Variants in KIAA1328 observed in about 807,000 individuals in gnomAD.
KIAA1328 encodes protein hinderin.
Under a neutral mutation model 68.1 loss-of-function variants are expected in KIAA1328, and 52 were observed. The observed-to-expected ratio is 0.76, with a 90% confidence interval of 0.61 to 0.96. The LOEUF (loss-of-function observed/expected upper bound fraction) is 0.96, where lower values mean the gene tolerates loss of function less well. Ranked by LOEUF, KIAA1328 falls within the 40% of genes least tolerant of loss-of-function variation. The pLI is 0.00. For synonymous variants in KIAA1328, 232 were observed against 239.4 expected, an observed-to-expected ratio of 0.97 and a Z score of 0.28; for missense variants, 641 against 677.6, an observed-to-expected ratio of 0.95 and a Z score of 0.60.
chr18:37,142,337 G>A (rs564946142), intron 7 of KIAA1328, among the ~76,000 whole-genome samples: 4 of 151,686 alleles, frequency 2.6e-5, no homozygotes, highest in Admixed American at 2.0e-4. Context: ...GATTACAGGC[G>A]CACACCACCA....
intron 9 of KIAA1328, among the ~76,000 whole-genome samples, chr18:37,203,101 T>A (rs2060144918): frequency 6.6e-6 from 1 of 151,686 alleles, no homozygotes; most frequent in Non-Finnish European, 1.5e-5. Context: ...CAAAATCTTT[T>A]ATTATATCTT....
intron 6 of KIAA1328, among the ~76,000 whole-genome samples, chr18:37,037,018 CT>C (rs2055053726): frequency 6.6e-6 from 1 of 152,128 alleles, no homozygotes; most frequent in African/African-American, 2.4e-5. Context: ...CATCATCACT[CT>C]TAGCAGTAAA....
At chr18:36,830,035 C>T (rs929509278) in intron 1 of KIAA1328, among the ~76,000 whole-genome samples, 1 of 152,180 alleles carries the variant, frequency 6.6e-6, no homozygotes, top group African/African-American at 2.4e-5. Flanking sequence ...GAAAGAGGGA[C>T]GGCAATCTGT....
At chr18:36,847,112 T>G (rs1186728731) in intron 4 of KIAA1328, among the ~76,000 whole-genome samples, 4 of 151,554 alleles carry the variant, frequency 2.6e-5, no homozygotes, top group Non-Finnish European at 5.9e-5. Context: ...ACTCATTTTT[T>G]ATTGTTGAAT....
At chr18:37,066,189 G>A (rs2056331465) in intron 6 of KIAA1328, among the ~76,000 whole-genome samples, 2 of 152,208 alleles carry the variant, frequency 1.3e-5, no homozygotes, top group South Asian at 2.1e-4. Flanking sequence ...TAAAATGTTG[G>A]AAAATCTGAC....
intron 6 of KIAA1328, among the ~76,000 whole-genome samples, chr18:37,026,817 A>G (rs1239043985): frequency 6.6e-6 from 1 of 152,210 alleles, no homozygotes; most frequent in Non-Finnish European, 1.5e-5. Flanking sequence ...CTGGCACAAG[A>G]CAGGGATGCC....
chr18:37,016,200 T>A (rs981716970), intron 6 of KIAA1328, among the ~76,000 whole-genome samples: 1 of 152,180 alleles, frequency 6.6e-6, no homozygotes, highest in African/African-American at 2.4e-5. Flanking sequence ...TAGGGTTTTA[T>A]CATGGAGTGA....
At chr18:37,003,767 G>A (rs1357755841) in intron 6 of KIAA1328, among the ~76,000 whole-genome samples, 1 of 152,010 alleles carries the variant, frequency 6.6e-6, no homozygotes, top group East Asian at 1.9e-4. Context: ...TTTTGTATAC[G>A]GTGAGAAATG....
intron 5 of KIAA1328, among the ~76,000 whole-genome samples, chr18:36,896,775 A>T (rs527238008): frequency 4.5e-4 from 69 of 152,206 alleles, no homozygotes; most frequent in Admixed American, 1.6e-3. Flanking sequence ...ATTATTTAGG[A>T]TTATTGTTTA....
intron 4 of KIAA1328, among the ~76,000 whole-genome samples, chr18:36,851,814 C>T (rs2047220432): frequency 7.1e-6 from 1 of 140,236 alleles, no homozygotes. Context: ...TATTTTCTTC[C>T]TTTTGCTGGC....
intron 5 of KIAA1328, chr18:36,954,456 G>T (rs1049809502): frequency 6.6e-6 from 1 of 152,094 alleles, no homozygotes; most frequent in African/African-American, 2.4e-5. Flanking sequence ...TTACTTTTGA[G>T]TATTGACCAC....
intron 5 of KIAA1328, among the ~76,000 whole-genome samples, chr18:36,926,996 T>TAAAA (rs1219737989): frequency 6.6e-6 from 1 of 152,140 alleles, no homozygotes; most frequent in Non-Finnish European, 1.5e-5. Context: ...CAAACTCTTT[T>TAAAA]AAACAACAAG....
intron 6 of KIAA1328, among the ~76,000 whole-genome samples, chr18:37,036,172 C>T (rs1326689425): frequency 6.6e-6 from 1 of 152,178 alleles, no homozygotes; most frequent in Non-Finnish European, 1.5e-5. Context: ...CGTCTTTGCT[C>T]AGAAAACTGC....
At chr18:37,041,055 C>A (rs1379177627) in intron 6 of KIAA1328, among the ~76,000 whole-genome samples, 2 of 151,896 alleles carry the variant, frequency 1.3e-5, no homozygotes, top group South Asian at 4.1e-4. Context: ...CTATAGATAA[C>A]AGTTCAGTCA....
At chr18:37,034,616 G>A (rs924316415) in intron 6 of KIAA1328, among the ~76,000 whole-genome samples, 1 of 152,070 alleles carries the variant, frequency 6.6e-6, no homozygotes, top group Admixed American at 6.6e-5. Flanking sequence ...CCAGTAGAAG[G>A]TGCTTTCATC....
intron 9 of KIAA1328, among the ~76,000 whole-genome samples, chr18:37,176,236 A>G (rs1001628648): frequency 2.0e-5 from 3 of 152,192 alleles, no homozygotes; most frequent in Non-Finnish European, 2.9e-5. Flanking sequence ...AGTGCTAGAG[A>G]CAGTAAAGGA....
At chr18:37,053,637 A>G (rs571465060) in intron 6 of KIAA1328, among the ~76,000 whole-genome samples, 45 of 152,292 alleles carry the variant, frequency 3.0e-4, no homozygotes, top group African/African-American at 9.9e-4. Flanking sequence ...GGTTTAATTG[A>G]CCCACAGTTC....
At chr18:36,831,949 A>G (rs1165586719) in intron 1 of KIAA1328, among the ~76,000 whole-genome samples, 1 of 152,186 alleles carries the variant, frequency 6.6e-6, no homozygotes, top group Non-Finnish European at 1.5e-5. Flanking sequence ...GAAATAGCAC[A>G]CAAAAAAATA....
chr18:37,135,620 C>T (rs752663106), intron 7 of KIAA1328, among the ~76,000 whole-genome samples: 30 of 152,090 alleles, frequency 2.0e-4, no homozygotes, highest in Non-Finnish European at 3.5e-4. Flanking sequence ...TGAATATATT[C>T]TTCTGTTGTG....
Sources: gnomAD v4.1 joint callset for allele counts (sites outside exome capture counted in the v4.1 genomes callset) on GRCh38, gnomAD v4.1.1 for gene constraint, MANE v1.5 for transcripts, NCBI Gene and HGNC (gene_info 2026-07-23, HGNC 2026-07-21) for gene names.